The following AGTRAP variants were observed in gnomAD, a reference collection of about 807,000 sequenced individuals.
AGTRAP encodes type-1 angiotensin II receptor-associated protein.
In AGTRAP, 7 loss-of-function variants were observed where a neutral mutation model predicts 15.2. The ratio of observed to expected loss-of-function variants is 0.46; its 90% CI spans 0.26 to 0.87. The LOEUF is 0.87. Ranked by LOEUF, AGTRAP falls within the 40% of genes least tolerant of loss-of-function variation. AGTRAP has a pLI of 0.15. For synonymous variants in AGTRAP, 74 were observed against 89.6 expected (o/e 0.83, Z 0.98); for missense variants, 187 against 213.4 (o/e 0.88, Z 0.77).
chr1:11,736,929 G>A (rs979445122), intron 1 of AGTRAP, among the ~76,000 whole-genome samples: 9 of 152,158 alleles, frequency 5.9e-5, no homozygotes, highest in Non-Finnish European at 1.2e-4. Context: ...CGCCGCCCAC[G>A]TGTCTGGGCT....
intron 4 of AGTRAP, 45 bp from the exon 5 acceptor site, chr1:11,750,032 T>G: frequency 6.6e-7 from 1 of 1,511,432 alleles, no homozygotes; most frequent in Non-Finnish European, 9.1e-7. Flanking sequence ...CATCCCGAGT[T>G]CTCACCCTTC....
chr1:11,749,336 C>T (rs1302412124), intron 4 of AGTRAP, among the ~76,000 whole-genome samples: 1 of 152,240 alleles, frequency 6.6e-6, no homozygotes, highest in Non-Finnish European at 1.5e-5. Context: ...AGATGCCCCA[C>T]GTGGCCTGTG....
At position 11,748,532 on chromosome 1, in the gene AGTRAP, T is replaced by G. The variant is rs748755346; in HGVS notation, c.286T>G (p.Leu96Val). The G allele has an allele frequency of 6.2e-7, 1 of 1,611,992 alleles. No homozygotes were observed. The highest frequency in any genetic ancestry group is 2.2e-5 in the East Asian group (1 of 44,888). ...TGGCGTGGGCATGGCCATCCTCAGC[T>G]TGCTGCTCAAGCCGCTCTCCTGCTG... ...RFGVGMAILS[L>V]LLKPLSCCFV... The change falls in exon 4 of 5, where the codon TTG becomes GTG. Residue 96 changes from leucine to valine, a missense_variant. By Grantham distance (32) the Leu-to-Val change is conservative (BLOSUM62 1). Transcript: ENST00000314340.
chr1:11,745,809 C>T lies in AGTRAP; in HGVS notation c.34C>T (p.Leu12Phe), dbSNP rs1458909890. 3.1e-6 allele frequency: 5 copies of T among 1,614,174 alleles called. No homozygotes were observed. In the South Asian group the frequency reaches 3.3e-5, roughly 11 times the overall value. ...ELPAVNLKVI[L>F]LGHWLLTTWG... ...CCCCCTTGTTGTGCCACAGGTGATT[C>T]TCCTAGGTCACTGGCTGCTGACAAC... is the stretch of plus-strand genomic sequence containing the variant. Residue 12 changes from leucine to phenylalanine, a missense_variant, in exon 2 of 5, where the codon CTC (leucine) becomes TTC (phenylalanine). Transcript: ENST00000314340. The surrounding 1 kb of genome is among the most constrained non-coding windows in gnomAD (Gnocchi z 4.2).
At chr1:11,741,954 G>A (rs1161412511) in intron 1 of AGTRAP, among the ~76,000 whole-genome samples, 1 of 152,206 alleles carries the variant, frequency 6.6e-6, no homozygotes, top group Non-Finnish European at 1.5e-5. Context: ...TTGGAGCTGA[G>A]AAAGGAATTT....
At chr1:11,744,924 G>A (rs545712193) in intron 1 of AGTRAP, among the ~76,000 whole-genome samples, 3 of 148,010 alleles carry the variant, frequency 2.0e-5, no homozygotes, top group South Asian at 2.2e-4. Context: ...GCACAATCTC[G>A]GCTCCCTGCA....
At position 11,747,534 on chromosome 1, in the gene AGTRAP, G is replaced by T. The variant is rs201093684; in HGVS notation, c.157G>T (p.Ala53Ser). 6.2e-7 allele frequency: 1 copy of T among 1,613,884 alleles called. No individual in the cohort carries two copies. The highest frequency in any genetic ancestry group is 8.5e-7 in the Non-Finnish European group (1 of 1,179,976). ...WAVAQRDSID[A>S]ISMFLGGLLA... The stretch of plus-strand genomic sequence containing the variant: ...TGTGGCTCAGCGGGACTCCATCGAC[G>T]CCATAAGCATGGTGAGCCAGGGTGG... Residue 53 changes from alanine to serine, a missense_variant, in exon 3 of 5, where the codon GCC becomes TCC. Transcript: ENST00000314340.
rs979287146 is a variant in AGTRAP, at chr1:11,745,165, T to A, written c.28-638T>A. On this transcript the variant is annotated intron_variant, in intron 1 of 4. Coordinates refer to ENST00000314340, the MANE Select transcript of AGTRAP (RefSeq NM_020350.5). The surrounding 1 kb of genome is among the most constrained non-coding windows in gnomAD (Gnocchi z 4.2). ...CCACCGCGCCCAGGCTGGTTGCCCA[T>A]TTTTATAGTTATTTCTTGATAGTAT... 6.6e-6 allele frequency among the ~76,000 whole-genome samples: 1 copy of A among 152,186 alleles called. No individual in the cohort carries two copies. The highest frequency in any genetic ancestry group is 1.5e-5 in the Non-Finnish European group (1 of 68,028).
At chr1:11,736,936 G>A (rs1196383719) in intron 1 of AGTRAP, among the ~76,000 whole-genome samples, 1 of 152,146 alleles carries the variant, frequency 6.6e-6, no homozygotes, top group Admixed American at 6.5e-5. Flanking sequence ...CACGTGTCTG[G>A]GCTCCATTTG....
chr1:11,743,485 A>C (rs533947289), intron 1 of AGTRAP, among the ~76,000 whole-genome samples: 77 of 151,192 alleles, frequency 5.1e-4, no homozygotes, highest in African/African-American at 1.8e-3. Context: ...ACCTCAAGTG[A>C]TCCACCTGCC....
intron 1 of AGTRAP, chr1:11,744,711 G>A (rs748657242): frequency 1.1e-5 from 6 of 562,474 alleles, no homozygotes; most frequent in Middle Eastern, 2.6e-4. Context: ...CTTGGATCTC[G>A]CACAAGGAAG....
chr1:11,742,718 A>G (rs535698116), intron 1 of AGTRAP, among the ~76,000 whole-genome samples: 2 of 151,988 alleles, frequency 1.3e-5, no homozygotes, highest in African/African-American at 2.4e-5. Flanking sequence ...TTTTGTAGAG[A>G]TAGGATCTTA....
chr1:11,742,196 T>C (rs1293248204), intron 1 of AGTRAP, among the ~76,000 whole-genome samples: 1 of 152,270 alleles, frequency 6.6e-6, no homozygotes, highest in Non-Finnish European at 1.5e-5. Flanking sequence ...ACTTGCTACC[T>C]GTGGAGTCTT....
chr1:11,747,466 A>T lies in AGTRAP; in HGVS notation c.89A>T (p.Tyr30Phe). 1 of 1,614,158 alleles carries T rather than the reference A, an allele frequency of 6.2e-7. No individual in the cohort carries two copies. Among genetic ancestry groups the T allele is most frequent in the East Asian group, 2.2e-5 (1 of 44,886 alleles). ...GGCTGCATTGTATTCTCAGGCTCCT[A>T]TGCCTGGGCCAACTTCACCATCCTG... ...TWGCIVFSGS[Y>F]AWANFTILAL... Residue 30 changes from tyrosine to phenylalanine, a missense_variant, in exon 3 of 5, where the codon TAT becomes TTT. Physicochemically the swap from Tyr to Phe is conservative, Grantham distance 22. Coordinates refer to ENST00000314340, the MANE Select transcript of AGTRAP (RefSeq NM_020350.5).
chr1:11,740,640 A>G (rs577403744), intron 1 of AGTRAP, among the ~76,000 whole-genome samples: 3 of 152,310 alleles, frequency 2.0e-5, no homozygotes, highest in African/African-American at 4.8e-5. Context: ...CCCTTAGGGT[A>G]TCCTGCGGAT....
chr1:11,744,758 G>A (rs1235429733), intron 1 of AGTRAP, among the ~76,000 whole-genome samples: 2 of 152,164 alleles, frequency 1.3e-5, no homozygotes, highest in Non-Finnish European at 2.9e-5. Context: ...GTGAAAGCAA[G>A]TTTATTAAGA....
chr1:11,749,929 G>C (rs1326465429), intron 4 of AGTRAP, 148 bp from the exon 5 acceptor site: 1 of 632,138 alleles, frequency 1.6e-6, no homozygotes, highest in Non-Finnish European at 2.8e-6. Flanking sequence ...TAAAGGTTTA[G>C]GGCCTGGGGC....
Position 11,747,427 on chromosome 1 carries a change from C to T in AGTRAP, c.63-13C>T. 6.2e-7 allele frequency: 1 copy of T among 1,613,448 alleles called. No individual in the cohort carries two copies. Among genetic ancestry groups the T allele is most frequent in the Non-Finnish European group, 8.5e-7 (1 of 1,179,398 alleles). On this transcript the variant is annotated splice_polypyrimidine_tract_variant and intron_variant, in intron 2 of 4. Coordinates refer to ENST00000314340, the MANE Select transcript of AGTRAP (RefSeq NM_020350.5). ...GTGGCCTCCTGACGGGACTGAGCTA[C>T]CTCTTCCTACAGGGGCTGCATTGTA... is the stretch of plus-strand genomic sequence containing the variant.
At chr1:11,738,422 G>C (rs1641949746) in intron 1 of AGTRAP, among the ~76,000 whole-genome samples, 1 of 152,220 alleles carries the variant, frequency 6.6e-6, no homozygotes. Flanking sequence ...GAAAGGACTG[G>C]ACTAGGGTAC....
Sources: allele counts gnomAD v4.1 joint callset (sites outside exome capture counted in the v4.1 genomes callset), GRCh38; gene constraint gnomAD v4.1.1; non-coding constraint Gnocchi (gnomAD v3.1); transcripts MANE v1.5; gene names NCBI Gene and HGNC (gene_info 2026-07-23, HGNC 2026-07-21).